The following CLSTN2 variants were observed in gnomAD, a reference collection of about 807,000 sequenced individuals.
The protein encoded by CLSTN2 is calsyntenin 2.
Under a neutral mutation model 101.2 loss-of-function variants are expected in CLSTN2, and 48 were observed. The ratio of observed to expected loss-of-function variants is 0.47; its 90% CI spans 0.38 to 0.60. The LOEUF (loss-of-function observed/expected upper bound fraction) is 0.60. Among genes scored for constraint, CLSTN2 ranks in the 20% least tolerant of loss-of-function variants. The pLI, the probability that CLSTN2 is intolerant of heterozygous loss-of-function variation, is 0.00. For missense variants in CLSTN2, 1,160 were observed against 1,238.2 expected (o/e 0.94, Z 0.95); for synonymous variants, 481 against 463.6 (o/e 1.04, Z -0.48).
intron 2 of CLSTN2, among the ~76,000 whole-genome samples, chr3:140,335,852 G>T (rs892134277): frequency 3.3e-5 from 5 of 152,184 alleles, no homozygotes; most frequent in Admixed American, 2.0e-4. Context: ...CTTGAATGTG[G>T]CTGTGTGCAT....
At chr3:140,092,871 C>T (rs1173264206) in intron 1 of CLSTN2, among the ~76,000 whole-genome samples, 1 of 152,202 alleles carries the variant, frequency 6.6e-6, no homozygotes, top group Non-Finnish European at 1.5e-5. Context: ...TGCGTGCTGC[C>T]TGGCTCCTCC....
At chr3:140,263,326 GGGACACTT>G (rs1387369180) in intron 2 of CLSTN2, among the ~76,000 whole-genome samples, 1 of 152,120 alleles carries the variant, frequency 6.6e-6, no homozygotes, top group Non-Finnish European at 1.5e-5. Context: ...GAGATGAGGT[GGGACACTT>G]GGGCTGAAGT....
chr3:140,217,814 T>C (rs1295222635), intron 2 of CLSTN2, among the ~76,000 whole-genome samples: 1 of 152,202 alleles, frequency 6.6e-6, no homozygotes, highest in Non-Finnish European at 1.5e-5. Flanking sequence ...ATTCAAAAAA[T>C]GCCAGGTGCA....
intron 2 of CLSTN2, among the ~76,000 whole-genome samples, chr3:140,187,208 C>G (rs935481753): frequency 2.6e-5 from 4 of 152,144 alleles, no homozygotes; most frequent in Admixed American, 2.6e-4. Context: ...CTGAGGCTGC[C>G]TTTGCTGCTC....
At chr3:140,522,134 C>T (rs925827989) in intron 8 of CLSTN2, among the ~76,000 whole-genome samples, 8 of 152,238 alleles carry the variant, frequency 5.3e-5, no homozygotes, top group African/African-American at 1.7e-4. Context: ...TCACTCACTG[C>T]TTCCTTTGGC....
chr3:140,466,701 C>T lies in CLSTN2; in HGVS notation c.1314C>T (p.Arg438=), dbSNP rs775490727. Residue 438 remains arginine (R), a synonymous_variant, in exon 8 of 17, where the codon CGC becomes CGT. Coordinates refer to ENST00000458420, the MANE Select transcript of CLSTN2 (RefSeq NM_022131.3). The stretch of plus-strand genomic sequence containing the variant: ...ACTTCGACCAGGCTGACACCTTTCG[C>T]CCCGCGGAGTTCCACTGGAAGCTGG... ...RKDFDQADTF[R]PAEFHWKLDQ... 4 of 1,614,042 alleles carry T rather than the reference C, an allele frequency of 2.5e-6. No homozygotes were observed. In the Admixed American group the frequency reaches 6.7e-5, roughly 27 times the overall value.
chr3:140,035,492 G>A (rs1313076471), intron 1 of CLSTN2, among the ~76,000 whole-genome samples: 4 of 152,212 alleles, frequency 2.6e-5, no homozygotes, highest in Admixed American at 2.0e-4. Context: ...GACTGTTAGA[G>A]GGTGAACTGT....
At chr3:140,478,140 C>T (rs542758594) in intron 8 of CLSTN2, among the ~76,000 whole-genome samples, 2 of 152,252 alleles carry the variant, frequency 1.3e-5, no homozygotes, top group South Asian at 2.1e-4. Flanking sequence ...TGGACTATCA[C>T]GTCTTGTTCA....
At chr3:140,314,632 A>G (rs982838046) in intron 2 of CLSTN2, among the ~76,000 whole-genome samples, 3 of 152,176 alleles carry the variant, frequency 2.0e-5, no homozygotes, top group African/African-American at 7.2e-5. Context: ...AACAACAAAA[A>G]TAGGGGCTTT....
At chr3:139,998,448 T>C (rs555616439) in intron 1 of CLSTN2, among the ~76,000 whole-genome samples, 4 of 145,814 alleles carry the variant, frequency 2.7e-5, no homozygotes, top group Non-Finnish European at 6.0e-5. Context: ...CATTCTCCTA[T>C]TCTCCTGCCT....
At chr3:140,356,567 G>A (rs1200535231) in intron 2 of CLSTN2, among the ~76,000 whole-genome samples, 1 of 152,026 alleles carries the variant, frequency 6.6e-6, no homozygotes, top group Non-Finnish European at 1.5e-5. Context: ...AGAACAGCCT[G>A]ACCAACATGG....
At chr3:140,526,566 C>T (rs1326918973) in intron 8 of CLSTN2, among the ~76,000 whole-genome samples, 1 of 142,942 alleles carries the variant, frequency 7.0e-6, no homozygotes, top group African/African-American at 2.6e-5. Flanking sequence ...AAAATCTACT[C>T]ATAAATTTAT....
intron 1 of CLSTN2, among the ~76,000 whole-genome samples, chr3:140,046,786 C>G (rs572294887): frequency 2.0e-4 from 31 of 152,024 alleles, no homozygotes; most frequent in African/African-American, 7.2e-4. Context: ...TTAGTTTGGA[C>G]AGCTTTGGTT....
rs184664388 is a variant in CLSTN2, at chr3:140,134,862, C to A, written c.110-41089C>A. ...TTCATCAAGAGCTTCAAAATACATG[C>A]AACTACCCCCTAAATGATGGCTTGT... On this transcript the variant is annotated intron_variant, in intron 1 of 16. Coordinates refer to ENST00000458420, the MANE Select transcript of CLSTN2 (RefSeq NM_022131.3). 5.3e-5 allele frequency among the ~76,000 whole-genome samples: 8 copies of A among 151,894 alleles called. No individual in the cohort carries two copies. The East Asian group carries it at 1.6e-3, about 30-fold the overall frequency.
intron 2 of CLSTN2, among the ~76,000 whole-genome samples, chr3:140,263,023 G>C (rs770261804): frequency 4.6e-5 from 7 of 151,976 alleles, no homozygotes; most frequent in Non-Finnish European, 7.4e-5. Context: ...GTGTTCCTGA[G>C]GTACTTGACC....
At chr3:140,116,390 A>C (rs374318022) in intron 1 of CLSTN2, among the ~76,000 whole-genome samples, 2 of 152,238 alleles carry the variant, frequency 1.3e-5, no homozygotes, top group African/African-American at 4.8e-5. Context: ...GGCTCTGAGC[A>C]GGAGGCTTGC....
intron 2 of CLSTN2, among the ~76,000 whole-genome samples, chr3:140,264,956 C>T (rs921806787): frequency 6.6e-6 from 1 of 152,120 alleles, no homozygotes; most frequent in African/African-American, 2.4e-5. Flanking sequence ...TGAAGGAGCT[C>T]ATAGTTTTTC....
chr3:140,203,138 G>C (rs1281363529), intron 2 of CLSTN2, among the ~76,000 whole-genome samples: 1 of 152,200 alleles, frequency 6.6e-6, no homozygotes, highest in Non-Finnish European at 1.5e-5. Flanking sequence ...AAGCCACTGA[G>C]ATTTGAAGTT....
intron 1 of CLSTN2, among the ~76,000 whole-genome samples, chr3:140,096,831 G>A (rs997667274): frequency 1.3e-5 from 2 of 152,178 alleles, no homozygotes; most frequent in African/African-American, 4.8e-5. Flanking sequence ...ATAAAAAGAA[G>A]GAGTTCATAT....
Sources: allele counts gnomAD v4.1 joint callset (sites outside exome capture counted in the v4.1 genomes callset), GRCh38; gene constraint gnomAD v4.1.1; transcripts MANE v1.5; gene names NCBI Gene and HGNC (gene_info 2026-07-23, HGNC 2026-07-21).